GLIS3: variants seen among roughly 807,000 people sequenced by gnomAD.
GLIS3 encodes the protein GLIS family zinc finger 3.
In GLIS3, 53 loss-of-function variants were observed where a neutral mutation model predicts 78.6. The ratio of observed to expected loss-of-function variants is 0.67; its 90% CI spans 0.54 to 0.85. The LOEUF is 0.85. GLIS3 is among the 40% of genes least tolerant of loss of function. The probability of loss-of-function intolerance (pLI) is 0.00; values close to 1 mark genes in which losing one functional copy is unlikely to be tolerated. For synonymous variants in GLIS3, 684 were observed against 509.9 expected (o/e 1.34, Z -4.60); for missense variants, 1,703 against 1,231.1 (o/e 1.38, Z -5.74).
intron 2 of GLIS3, among the ~76,000 whole-genome samples, chr9:4,192,116 C>G (rs1818385313): frequency 6.6e-6 from 1 of 152,060 alleles, no homozygotes; most frequent in African/African-American, 2.4e-5. Context: ...TGAAGTAGAA[C>G]AAAAATAGTA....
At position 3,829,396 on chromosome 9, in the gene GLIS3, A is replaced by C. The variant is rs1345470475; in HGVS notation, c.2570T>G (p.Phe857Cys). Reference sequence around the variant, plus strand: ...GGATGTAGGGACTAGGCAGTCCTCAAACGAAGGCACCACACTGCAGGAGCT... The same window carrying C: ...GGATGTAGGGACTAGGCAGTCCTCACACGAAGGCACCACACTGCAGGAGCT... ...PVSSCSVVPSFEDCLVPTSMG... is the reference protein window; with the variant it reads ...PVSSCSVVPSCEDCLVPTSMG... The change falls in exon 10 of 11, where the codon TTT becomes TGT. Residue 857 changes from phenylalanine (F) to cysteine (C), a missense_variant. Physicochemically the swap from Phe to Cys is radical, Grantham distance 205. Transcript: ENST00000381971. The C allele has an allele frequency of 6.2e-7, 1 of 1,614,052 alleles. No individual in the cohort carries two copies. Among genetic ancestry groups the C allele is most frequent in the African/African-American group, 1.3e-5 (1 of 75,008 alleles).
At chr9:4,004,121 C>T (rs1329318764) in intron 4 of GLIS3, among the ~76,000 whole-genome samples, 7 of 152,110 alleles carry the variant, frequency 4.6e-5, no homozygotes, top group Non-Finnish European at 7.4e-5. Flanking sequence ...ATTCAAGTAA[C>T]AGACATGAAC....
In GLIS3 at chr9:4,205,348, G is replaced by A. The variant is rs74797658; in HGVS notation, c.389-79407C>T. ...CAGCTCCAAGGCTAAGCCATGACTG[G>A]CTTCAGTCAATCCTCATATTCCAAA... On this transcript the variant is annotated intron_variant, in intron 2 of 10. Transcript: ENST00000381971. Among the ~76,000 whole-genome samples the A allele has an allele frequency of 2.0e-5, 3 of 152,128 alleles. No individual in the cohort carries two copies. In the South Asian group the frequency reaches 6.2e-4, roughly 32 times the overall value.
intron 4 of GLIS3, among the ~76,000 whole-genome samples, chr9:4,008,784 T>C (rs1821762862): frequency 6.6e-6 from 1 of 152,212 alleles, no homozygotes. Context: ...CAGTGACATT[T>C]AGAGTTGAAA....
the GLIS3 span, among the ~76,000 whole-genome samples, chr9:4,372,567 A>AG: frequency 1.4e-3 from 211 of 152,068 alleles, no homozygotes; most frequent in African/African-American, 4.8e-3. Context: ...AAAAAAAAAA[A>AG]AAAAAATCAC....
At chr9:3,885,531 T>C (rs1371965615) in intron 7 of GLIS3, among the ~76,000 whole-genome samples, 6 of 152,204 alleles carry the variant, frequency 3.9e-5, no homozygotes, top group African/African-American at 1.4e-4. Context: ...AATGACATTA[T>C]TGCTTGGTGG....
intron 4 of GLIS3, among the ~76,000 whole-genome samples, chr9:4,106,890 G>A (rs959212350): frequency 1.4e-4 from 21 of 152,166 alleles, no homozygotes; most frequent in East Asian, 1.9e-4. Context: ...GACGAGCAGC[G>A]GGGAATTGTG....
chr9:4,134,507 T>C (rs1833247084), intron 2 of GLIS3, among the ~76,000 whole-genome samples: 1 of 152,202 alleles, frequency 6.6e-6, no homozygotes, highest in Non-Finnish European at 1.5e-5. Context: ...CCTTAGTTTC[T>C]TCCATCTCTA....
intron 2 of GLIS3, among the ~76,000 whole-genome samples, chr9:4,265,906 TTGTTTGTC>T (rs990787524): frequency 2.7e-4 from 18 of 67,682 alleles, no homozygotes; most frequent in South Asian, 1.2e-3. Context: ...GGTTTTTTTT[TTGTTTGTC>T]TGTTTGTTTG....
intron 2 of GLIS3, among the ~76,000 whole-genome samples, chr9:4,143,570 A>T (rs895617219): frequency 3.3e-5 from 5 of 152,154 alleles, no homozygotes; most frequent in South Asian, 2.1e-4. Context: ...GTCTCAAAAA[A>T]AAAAATAAAA....
chr9:4,102,715 T>C (rs909888685), intron 4 of GLIS3, among the ~76,000 whole-genome samples: 2 of 152,160 alleles, frequency 1.3e-5, no homozygotes, highest in Admixed American at 6.6e-5. Flanking sequence ...AATATTATAA[T>C]AAATAAATCT....
intron 9 of GLIS3, among the ~76,000 whole-genome samples, chr9:3,850,796 GCA>G (rs1295460389): frequency 1.3e-5 from 2 of 152,076 alleles, no homozygotes; most frequent in East Asian, 3.9e-4. Flanking sequence ...TTCCCTCTGT[GCA>G]CACACACGCC....
chr9:4,398,508 G>A, the GLIS3 span, among the ~76,000 whole-genome samples: 1 of 151,818 alleles, frequency 6.6e-6, no homozygotes, highest in Non-Finnish European at 1.5e-5. Flanking sequence ...GAGGGGGTGG[G>A]GGCCTGGAGA....
intron 8 of GLIS3, among the ~76,000 whole-genome samples, chr9:3,866,575 T>A (rs1820602743): frequency 6.6e-6 from 1 of 152,150 alleles, no homozygotes; most frequent in Non-Finnish European, 1.5e-5. Context: ...CATGTGAGGT[T>A]CTGATGAGAG....
chr9:4,384,078 A>G, the GLIS3 span, among the ~76,000 whole-genome samples: 216 of 152,292 alleles, frequency 1.4e-3, no homozygotes, highest in African/African-American at 4.8e-3. Context: ...TTTATTTCCC[A>G]CTTGGTACTG....
chr9:4,243,075 G>C (rs965773571), intron 2 of GLIS3, among the ~76,000 whole-genome samples: 6 of 152,082 alleles, frequency 3.9e-5, no homozygotes, highest in African/African-American at 1.2e-4. Context: ...TTCTACATTA[G>C]AGATTCCAGC....
chr9:3,957,204 T>C (rs1817176106), intron 4 of GLIS3, among the ~76,000 whole-genome samples: 2 of 152,164 alleles, frequency 1.3e-5, no homozygotes, highest in Non-Finnish European at 2.9e-5. Context: ...CATCAAGCAG[T>C]GGGTGTGGAG....
intron 2 of GLIS3, among the ~76,000 whole-genome samples, chr9:4,196,071 C>T (rs1818813426): frequency 6.6e-6 from 1 of 151,852 alleles, no homozygotes; most frequent in Non-Finnish European, 1.5e-5. Flanking sequence ...TGTGAATGGA[C>T]CAATCAGCAC....
At chr9:4,415,914 C>T in the GLIS3 span, among the ~76,000 whole-genome samples, 386 of 151,718 alleles carry the variant, frequency 2.5e-3, 1 homozygote, top group Non-Finnish European at 4.1e-3. Flanking sequence ...CTCCCTGAGC[C>T]CCACTCCTCA....
Sources: allele counts gnomAD v4.1 joint callset (sites outside exome capture counted in the v4.1 genomes callset), GRCh38; gene constraint gnomAD v4.1.1; transcripts MANE v1.5; gene names NCBI Gene and HGNC (gene_info 2026-07-23, HGNC 2026-07-21).